Variants in SLC39A11 observed in about 807,000 individuals in gnomAD.
SLC39A11 encodes solute carrier family 39 member 11.
A neutral mutation model predicts 36.1 loss-of-function variants in SLC39A11; 33 were observed. The ratio of observed to expected loss-of-function variants is 0.91; its 90% confidence interval spans 0.69 to 1.22. The LOEUF (loss-of-function observed/expected upper bound fraction) is 1.22. SLC39A11 is among the 50% of genes most tolerant of loss of function. The pLI is 0.00. For synonymous variants in SLC39A11, 166 were observed against 170.3 expected (o/e 0.97, Z 0.20); for missense variants, 432 against 430.3 (o/e 1.00, Z -0.03).
intron 6 of SLC39A11, among the ~76,000 whole-genome samples, chr17:72,771,354 TA>T (rs4036979): frequency 0.4 from 56,931 of 142,822 alleles, 12,670 homozygotes; most frequent in Non-Finnish European, 0.52. Context: ...AGACCCTATC[TA>T]AAAAAAAAAA....
chr17:72,810,205 G>C (rs1447017909), intron 6 of SLC39A11, among the ~76,000 whole-genome samples: 1 of 151,650 alleles, frequency 6.6e-6, no homozygotes, highest in East Asian at 1.9e-4. Flanking sequence ...ACCTATTAAA[G>C]CTTAACACAT....
At chr17:73,047,174 G>A (rs1223371863) in intron 3 of SLC39A11, among the ~76,000 whole-genome samples, 3 of 151,682 alleles carry the variant, frequency 2.0e-5, no homozygotes, top group Admixed American at 2.0e-4. Flanking sequence ...ACAGGCTCCC[G>A]CCACCACGCC....
chr17:72,825,370 A>C (rs909668427), intron 6 of SLC39A11, among the ~76,000 whole-genome samples: 1 of 152,228 alleles, frequency 6.6e-6, no homozygotes, highest in Admixed American at 6.5e-5. Context: ...GCCTCAACCT[A>C]GATTTCAGAG....
At chr17:72,861,497 G>A (rs2079981399) in intron 5 of SLC39A11, among the ~76,000 whole-genome samples, 1 of 151,608 alleles carries the variant, frequency 6.6e-6, no homozygotes, top group African/African-American at 2.4e-5. Context: ...CAGCCAGGAA[G>A]ATGGGAATAA....
intron 6 of SLC39A11, among the ~76,000 whole-genome samples, chr17:72,752,276 G>A (rs907480928): frequency 4.0e-5 from 6 of 151,772 alleles, no homozygotes; most frequent in South Asian, 2.1e-4. Flanking sequence ...ATGGAGTCTC[G>A]CTCTGTCACC....
chr17:73,063,486 G>T (rs977350341), intron 3 of SLC39A11, among the ~76,000 whole-genome samples: 1 of 152,046 alleles, frequency 6.6e-6, no homozygotes, highest in Non-Finnish European at 1.5e-5. Flanking sequence ...GCAGTGGCGC[G>T]TGCCTGTAAT....
chr17:72,836,489 C>A (rs983469149), intron 6 of SLC39A11, among the ~76,000 whole-genome samples: 2 of 151,984 alleles, frequency 1.3e-5, no homozygotes, highest in African/African-American at 4.8e-5. Context: ...TGCAATCACG[C>A]GCCACCATAC....
intron 5 of SLC39A11, among the ~76,000 whole-genome samples, chr17:72,861,609 T>C (rs1047898983): frequency 3.3e-4 from 47 of 142,018 alleles, no homozygotes; most frequent in African/African-American, 1.2e-3. Context: ...ATAAGATATA[T>C]ACACACAGAT....
In SLC39A11 at chr17:72,758,581, T is replaced by C. The variant is rs555441417; in HGVS notation, c.602-21862A>G. Among the ~76,000 whole-genome samples the C allele has an allele frequency of 4.6e-5, 7 of 152,348 alleles. No homozygotes were observed. In the South Asian group the frequency reaches 1.4e-3, roughly 32 times the overall value. ...CCCTAATATAGACTCCAACCCATCC[T>C]GAAGAAAGGTTAAAAAAGGGAGATC... On this transcript the variant is annotated intron_variant, in intron 6 of 9. Coordinates refer to ENST00000255559, the MANE Select transcript of SLC39A11 (RefSeq NM_139177.4).
At chr17:73,042,942 G>T (rs1038272442) in intron 3 of SLC39A11, among the ~76,000 whole-genome samples, 2 of 152,262 alleles carry the variant, frequency 1.3e-5, no homozygotes, top group South Asian at 2.1e-4. Context: ...ACTGTTACAC[G>T]GCCAACACTC....
At chr17:72,689,601 A>G (rs55876288) in intron 7 of SLC39A11, among the ~76,000 whole-genome samples, 36,416 of 152,190 alleles carry the variant, frequency 0.24, 4,704 homozygotes, top group Non-Finnish European at 0.3. Context: ...GGAGAATATT[A>G]TTCAGCCGAG....
intron 7 of SLC39A11, among the ~76,000 whole-genome samples, chr17:72,669,501 T>C (rs908507410): frequency 1.3e-5 from 2 of 152,204 alleles, no homozygotes; most frequent in African/African-American, 2.4e-5. Flanking sequence ...CATGATTACA[T>C]TGAGGTTATC....
Position 73,091,260 on chromosome 17 carries a change from T to C in SLC39A11, c.-12+1351A>G, listed in dbSNP as rs1359243466. On this transcript the variant is annotated intron_variant, in intron 1 of 9. Coordinates refer to ENST00000255559, the MANE Select transcript of SLC39A11 (RefSeq NM_139177.4). ...CTGGCCAACACGGTGAAACCCCATC[T>C]CTACTAAAAACACAAAAATTACTTG... Among the ~76,000 whole-genome samples the C allele has an allele frequency of 3.3e-5, 5 of 151,994 alleles. No individual in the cohort carries two copies. In the East Asian group the frequency reaches 9.7e-4, roughly 29 times the overall value.
chr17:72,803,208 C>T (rs913763129), intron 6 of SLC39A11, among the ~76,000 whole-genome samples: 1 of 152,224 alleles, frequency 6.6e-6, no homozygotes, highest in East Asian at 1.9e-4. Context: ...TGTGAATCTC[C>T]AGTGCAGCCC....
At chr17:72,959,640 A>G (rs1568024528) in intron 4 of SLC39A11, among the ~76,000 whole-genome samples, 1 of 151,994 alleles carries the variant, frequency 6.6e-6, no homozygotes, top group East Asian at 1.9e-4. Flanking sequence ...TGATGGGTGC[A>G]CCAAAGTCTC....
intron 3 of SLC39A11, among the ~76,000 whole-genome samples, chr17:73,054,376 CA>C (rs797008667): frequency 9.3e-5 from 13 of 139,600 alleles, no homozygotes; most frequent in African/African-American, 2.3e-4. Context: ...AACAAAAAAA[CA>C]AAAAAAAAAA....
intron 5 of SLC39A11, among the ~76,000 whole-genome samples, chr17:72,910,191 T>C (rs936734493): frequency 6.6e-6 from 1 of 152,190 alleles, no homozygotes; most frequent in African/African-American, 2.4e-5. Flanking sequence ...GCTGAAAAAC[T>C]ACCTGTTGGG....
At chr17:72,957,158 A>G (rs1403885430) in intron 4 of SLC39A11, among the ~76,000 whole-genome samples, 1 of 152,196 alleles carries the variant, frequency 6.6e-6, no homozygotes, top group Non-Finnish European at 1.5e-5. Context: ...TCAAGTCTCT[A>G]CATCACAGAG....
chr17:72,903,521 T>A (rs937716558), intron 5 of SLC39A11, among the ~76,000 whole-genome samples: 4 of 152,086 alleles, frequency 2.6e-5, no homozygotes, highest in African/African-American at 7.2e-5. Flanking sequence ...CCACTGTGAC[T>A]CTCTCAAAGG....
Sources: gnomAD v4.1 joint callset for allele counts (sites outside exome capture counted in the v4.1 genomes callset) on GRCh38, gnomAD v4.1.1 for gene constraint, MANE v1.5 for transcripts, NCBI Gene and HGNC (gene_info 2026-07-23, HGNC 2026-07-21) for gene names.